Variants in AHI1 observed in about 807,000 individuals in gnomAD.
AHI1 encodes the protein jouberin.
A neutral mutation model predicts 149.3 loss-of-function variants in AHI1; 123 were observed. The ratio of observed to expected loss-of-function variants is 0.82; its 90% CI spans 0.71 to 0.96. The LOEUF (loss-of-function observed/expected upper bound fraction) is 0.96, where lower values mean the gene tolerates loss of function less well. AHI1 is among the 40% of genes least tolerant of loss of function. The pLI, the probability that AHI1 is intolerant of heterozygous loss-of-function variation, is 0.00. For missense variants in AHI1, 1,439 were observed against 1,422.7 expected (o/e 1.01, Z -0.18); for synonymous variants, 475 against 459.8 (o/e 1.03, Z -0.42).
At chr6:135,464,179 T>C (rs1233879413) in intron 7 of AHI1, among the ~76,000 whole-genome samples, 2 of 151,866 alleles carry the variant, frequency 1.3e-5, no homozygotes, top group East Asian at 1.9e-4. Context: ...TTTTTAGTCA[T>C]ATTTCAAAAA....
intron 5 of AHI1, chr6:135,490,348 T>C: frequency 1.5e-6 from 1 of 665,088 alleles, no homozygotes; most frequent in South Asian, 1.7e-5. Context: ...TCAAAAATGT[T>C]ATCATGGCTA....
intron 13 of AHI1, among the ~76,000 whole-genome samples, chr6:135,445,748 AT>A (rs532701058): frequency 6.6e-6 from 1 of 152,044 alleles, no homozygotes; most frequent in East Asian, 1.9e-4. Flanking sequence ...AATTAAAAAA[AT>A]TTTTTTTAAA....
At chr6:135,421,789 G>C (rs1783201224) in intron 20 of AHI1, among the ~76,000 whole-genome samples, 1 of 152,048 alleles carries the variant, frequency 6.6e-6, no homozygotes, top group African/African-American at 2.4e-5. Flanking sequence ...CCTATTATGT[G>C]AATAATATTA....
rs1787142942 is a variant in AHI1, at chr6:135,323,224, C to T, written c.3266G>A (p.Trp1089Ter). The change falls in exon 25 of 29, where the codon TGG (tryptophan) becomes TAG (stop). Residue 1089 changes from tryptophan to a stop codon, truncating the protein, a stop_gained. Coordinates refer to ENST00000265602, the MANE Select transcript of AHI1 (RefSeq NM_001134831.2). LOFTEE classifies it high-confidence loss of function. ...RVFFKDNEDWWYGSIGKGQEG... is the reference protein window; with the variant it reads ...RVFFKDNEDW The stretch of plus-strand genomic sequence containing the variant: ...CTGTCCCTTTCCTATGCTGCCATAC[C>T]ACCAGTCTTCATTATCTTTGAAAAA... 1.2e-6 allele frequency: 2 copies of T among 1,613,580 alleles called. No individual in the cohort carries two copies. Among genetic ancestry groups the T allele is most frequent in the South Asian group, 1.1e-5 (1 of 91,020 alleles).
rs368725672 is a variant in AHI1 at position 135,312,784 on chromosome 6, G to T, written c.3426+5735C>A. Among the ~76,000 whole-genome samples the T allele has an allele frequency of 6.6e-5, 10 of 152,312 alleles. No homozygotes were observed. The East Asian group carries it at 1.7e-3, about 26-fold the overall frequency. ...GCTTCCCGGATCTCAATTTCCTGTA[G>T]AATGAAGGAGTTGATCAGAATCACC... On this transcript the variant is annotated intron_variant, in intron 26 of 28. Coordinates refer to ENST00000265602, the MANE Select transcript of AHI1 (RefSeq NM_001134831.2).
At chr6:135,455,656 T>A (rs1788817836) in intron 10 of AHI1, 78 bp downstream of exon 10, 13 of 1,121,688 alleles carry the variant, frequency 1.2e-5, no homozygotes, top group Non-Finnish European at 1.5e-5. Flanking sequence ...CTTACTGGAC[T>A]ACTAAAAATA....
intron 24 of AHI1, among the ~76,000 whole-genome samples, chr6:135,354,460 T>C (rs1400861299): frequency 6.6e-6 from 1 of 152,174 alleles, no homozygotes; most frequent in Non-Finnish European, 1.5e-5. Context: ...AGCATATGAC[T>C]GTACACTGAA....
chr6:135,414,532 T>G (rs1782065420), intron 20 of AHI1, among the ~76,000 whole-genome samples: 1 of 152,164 alleles, frequency 6.6e-6, no homozygotes, highest in South Asian at 2.1e-4. Context: ...GCAAATCATA[T>G]GCCTGATAAA....
At chr6:135,364,068 G>A (rs1317020911) in intron 23 of AHI1, among the ~76,000 whole-genome samples, 2 of 151,474 alleles carry the variant, frequency 1.3e-5, no homozygotes, top group Non-Finnish European at 3.0e-5. Flanking sequence ...CCGGGCGGGG[G>A]GCTGACCCCC....
intron 23 of AHI1, among the ~76,000 whole-genome samples, chr6:135,362,588 T>C (rs1243951529): frequency 6.6e-6 from 1 of 152,232 alleles, no homozygotes; most frequent in African/African-American, 2.4e-5. Flanking sequence ...CATTGCAGTT[T>C]TGATTTGCAG....
At chr6:135,478,168 T>C (rs1793019306) in intron 5 of AHI1, among the ~76,000 whole-genome samples, 2 of 152,130 alleles carry the variant, frequency 1.3e-5, no homozygotes, top group African/African-American at 2.4e-5. Context: ...AAGTGGGGCA[T>C]TGCTATAAAG....
chr6:135,345,942 T>C (rs866984286), intron 24 of AHI1, among the ~76,000 whole-genome samples: 1 of 152,194 alleles, frequency 6.6e-6, no homozygotes, highest in South Asian at 2.1e-4. Context: ...TATTTCTCCA[T>C]GTCAGAGAAG....
rs1182209789 is a variant in AHI1 at position 135,467,587 on chromosome 6, A to C, written c.183T>G (p.Ser61Arg). 1 of 1,608,780 alleles carries C rather than the reference A, an allele frequency of 6.2e-7. No individual in the cohort carries two copies. The highest frequency in any genetic ancestry group is 1.1e-5 in the South Asian group (1 of 90,802). ...SNLHYMKETTSDDPDTIRSNL... is the reference protein window; with the variant it reads ...SNLHYMKETTRDDPDTIRSNL... ...TAGTGTTAGCAGTACTTACATCATC[A>C]CTTGTAGTTTCTTTCATATAGTGAA... Residue 61 changes from serine (S) to arginine (R), a missense_variant, in exon 6 of 29, where the codon AGT becomes AGG. By Grantham distance (110) the Ser-to-Arg change is moderately radical. Coordinates refer to ENST00000265602, the MANE Select transcript of AHI1 (RefSeq NM_001134831.2).
At chr6:135,476,899 C>T (rs960722178) in intron 5 of AHI1, among the ~76,000 whole-genome samples, 3 of 152,014 alleles carry the variant, frequency 2.0e-5, no homozygotes, top group Admixed American at 6.6e-5. Context: ...ATAGTTGGGT[C>T]TTATTTGCCA....
At chr6:135,293,429 A>G (rs57280356) in intron 27 of AHI1, among the ~76,000 whole-genome samples, 25,842 of 131,676 alleles carry the variant, frequency 0.2, 5,239 homozygotes, top group African/African-American at 0.54. Context: ...AAAAAAGAAA[A>G]AAAGAAAGAA....
chr6:135,482,434 T>C (rs1270558452), intron 5 of AHI1, among the ~76,000 whole-genome samples: 1 of 151,454 alleles, frequency 6.6e-6, no homozygotes, highest in Non-Finnish European at 1.5e-5. Context: ...CAACCAGCTC[T>C]TATAAACCTG....
chr6:135,352,737 A>AC (rs1792340043), intron 24 of AHI1, among the ~76,000 whole-genome samples: 1 of 147,082 alleles, frequency 6.8e-6, no homozygotes, highest in African/African-American at 2.6e-5. Context: ...ACACACACAC[A>AC]ATATATATAC....
At position 135,431,195 on chromosome 6, in the gene AHI1, T is replaced by C. The variant is rs769665085; in HGVS notation, c.2373+13A>G. On this transcript the variant is annotated intron_variant, in intron 17 of 28. Coordinates refer to ENST00000265602, the MANE Select transcript of AHI1 (RefSeq NM_001134831.2). ...TTTAATTAAATCCCAAAATATAAAA[T>C]ATGATTTTATACCTTATTTATAGTC... The C allele has an allele frequency of 1.1e-5, 16 of 1,498,098 alleles. No individual in the cohort carries two copies. The South Asian group carries it at 2.0e-4, about 19-fold the overall frequency. The allele number at this position is 1,498,098 out of a possible 1,614,324, so 92.8% of individuals were successfully genotyped here. A position where few individuals can be genotyped will look rare whatever the true frequency, so the allele number is the denominator to read the frequency against.
intron 23 of AHI1, among the ~76,000 whole-genome samples, chr6:135,376,928 C>T (rs1284149892): frequency 8.5e-6 from 1 of 118,174 alleles, no homozygotes; most frequent in Non-Finnish European, 1.7e-5. Context: ...AAAAGTTGGT[C>T]CAGTTTGACT....
Sources: gnomAD v4.1 joint callset for allele counts (sites outside exome capture counted in the v4.1 genomes callset) on GRCh38, gnomAD v4.1.1 for gene constraint, MANE v1.5 for transcripts, NCBI Gene and HGNC (gene_info 2026-07-23, HGNC 2026-07-21) for gene names.